IGSF21: variants seen among roughly 807,000 people sequenced by gnomAD.
IGSF21 encodes the protein immunoglobulin superfamily member 21.
Under a neutral mutation model 46.8 loss-of-function variants are expected in IGSF21, and 28 were observed. That is an observed-to-expected ratio of 0.60 (90% CI 0.44 to 0.82). IGSF21 has a LOEUF of 0.82. IGSF21 is among the 40% of genes least tolerant of loss of function. The probability of loss-of-function intolerance (pLI) is 0.00; values close to 1 mark genes in which losing one functional copy is unlikely to be tolerated. For missense variants in IGSF21, 624 were observed against 665.5 expected, an observed-to-expected ratio of 0.94 and a Z score of 0.69; for synonymous variants, 284 against 273.6, an observed-to-expected ratio of 1.04 and a Z score of -0.38.
At chr1:18,197,869 C>T (rs2087025167) in intron 1 of IGSF21, among the ~76,000 whole-genome samples, 1 of 152,202 alleles carries the variant, frequency 6.6e-6, no homozygotes, top group African/African-American at 2.4e-5. Context: ...CAGCTCCTGT[C>T]ACTGTGACTG....
At position 18,197,708 on chromosome 1, in the gene IGSF21, G is replaced by A. The variant is rs549110192; in HGVS notation, c.71-30190G>A. On this transcript the variant is annotated intron_variant, in intron 1 of 9. Transcript: ENST00000251296. ...CTTGGCTCTGCCACTCAACAGCTGG[G>A]TGACCTTGGGTATGTGACTTTATCT... is the stretch of plus-strand genomic sequence containing the variant. 1.8e-4 allele frequency among the ~76,000 whole-genome samples: 27 copies of A among 152,344 alleles called. No individual in the cohort carries two copies. In the South Asian group the frequency reaches 5.6e-3, roughly 32 times the overall value.
intron 4 of IGSF21, among the ~76,000 whole-genome samples, chr1:18,338,043 A>G (rs1222871636): frequency 6.6e-6 from 1 of 152,084 alleles, no homozygotes; most frequent in Non-Finnish European, 1.5e-5. Context: ...CATCGACCAC[A>G]TGGGCCTGGG....
rs571108830 is a variant in IGSF21 at position 18,348,103 on chromosome 1, T to A, written c.424+13093T>A. ...CCTTAGGAGATGGGTATTTCTAGTA[T>A]TCTTATTTTAATAAATGAAGAAATT... On this transcript the variant is annotated intron_variant, in intron 4 of 9. Coordinates refer to ENST00000251296, the MANE Select transcript of IGSF21 (RefSeq NM_032880.5). Among the ~76,000 whole-genome samples the A allele has an allele frequency of 8.5e-5, 13 of 152,360 alleles. No homozygotes were observed. The South Asian group carries it at 2.7e-3, about 32-fold the overall frequency.
Position 18,335,035 on chromosome 1 carries a change from G to A in IGSF21, c.424+25G>A, listed in dbSNP as rs2085752597. Reference sequence around the variant, plus strand: ...GGTGAGTGCAGGGCCACTGGCCCCTGGTGTCTCAGTGAGGAGGACGAGTAT... The same window carrying A: ...GGTGAGTGCAGGGCCACTGGCCCCTAGTGTCTCAGTGAGGAGGACGAGTAT... On this transcript the variant is annotated intron_variant, in intron 4 of 9. Coordinates refer to ENST00000251296, the MANE Select transcript of IGSF21 (RefSeq NM_032880.5). This position sits in a 1 kb window ranked among gnomAD's most constrained non-coding sequence, Gnocchi z 4.8. 6.4e-7 allele frequency: 1 copy of A among 1,557,046 alleles called. No homozygotes were observed. Among genetic ancestry groups the A allele is most frequent in the Admixed American group, 1.7e-5 (1 of 59,916 alleles).
intron 2 of IGSF21, among the ~76,000 whole-genome samples, chr1:18,239,251 A>G (rs2084701997): frequency 1.4e-5 from 2 of 141,902 alleles, no homozygotes; most frequent in South Asian, 4.6e-4. Context: ...CACACCAGTG[A>G]AAAGAAAAGA....
At chr1:18,273,405 C>CTTTCA (rs2085064372) in intron 2 of IGSF21, among the ~76,000 whole-genome samples, 1 of 133,206 alleles carries the variant, frequency 7.5e-6, no homozygotes, top group Non-Finnish European at 1.6e-5. Flanking sequence ...CTTTCCTTTC[C>CTTTCA]TTTCCTTTCT....
At chr1:18,235,527 G>A (rs868722578) in intron 2 of IGSF21, among the ~76,000 whole-genome samples, 1 of 152,202 alleles carries the variant, frequency 6.6e-6, no homozygotes, top group African/African-American at 2.4e-5. Context: ...CCATGCCAAG[G>A]GAAGAAGGCA....
chr1:18,194,070 A>G (rs1429404457), intron 1 of IGSF21, among the ~76,000 whole-genome samples: 1 of 152,186 alleles, frequency 6.6e-6, no homozygotes, highest in Non-Finnish European at 1.5e-5. Flanking sequence ...AGAGAGTGAA[A>G]GAGTGAATGA....
chr1:18,148,292 A>G (rs935321735), intron 1 of IGSF21, among the ~76,000 whole-genome samples: 12 of 151,868 alleles, frequency 7.9e-5, no homozygotes, highest in African/African-American at 2.7e-4. Flanking sequence ...CACCATGCCC[A>G]GCTAATTTTT....
intron 3 of IGSF21, among the ~76,000 whole-genome samples, chr1:18,292,372 A>G (rs570017676): frequency 6.6e-6 from 1 of 152,368 alleles, no homozygotes; most frequent in Non-Finnish European, 1.5e-5. Context: ...CCGGCTTGGA[A>G]GCTCAAACAC....
At chr1:18,229,009 A>G (rs2084597710) in intron 2 of IGSF21, among the ~76,000 whole-genome samples, 1 of 151,674 alleles carries the variant, frequency 6.6e-6, no homozygotes, top group Non-Finnish European at 1.5e-5. Context: ...TCTTCTTTTT[A>G]TTTTTTTTCA....
intron 4 of IGSF21, among the ~76,000 whole-genome samples, chr1:18,344,061 G>T (rs1391050939): frequency 6.6e-6 from 1 of 152,194 alleles, no homozygotes; most frequent in African/African-American, 2.4e-5. Flanking sequence ...GATTTCTGGA[G>T]AGCTGGATTC....
intron 2 of IGSF21, among the ~76,000 whole-genome samples, chr1:18,273,249 C>T (rs1479593803): frequency 6.6e-6 from 1 of 151,586 alleles, no homozygotes; most frequent in African/African-American, 2.4e-5. Flanking sequence ...CCATATTGGC[C>T]AGGCTGGTCT....
chr1:18,285,146 A>G (rs1401426081), intron 2 of IGSF21, among the ~76,000 whole-genome samples: 3 of 151,594 alleles, frequency 2.0e-5, no homozygotes, highest in African/African-American at 7.3e-5. Context: ...AAACAAAGAG[A>G]AGGAGGTTGG....
intron 1 of IGSF21, among the ~76,000 whole-genome samples, chr1:18,182,508 T>C (rs1218567271): frequency 6.6e-6 from 1 of 152,146 alleles, no homozygotes; most frequent in African/African-American, 2.4e-5. Context: ...GGGTAACTTG[T>C]TTCTTCTTTT....
rs977207819 is a variant in IGSF21, at chr1:18,322,685, A to T, written c.306-12207A>T. ...ATGGCGTCGGGTGAAGGTAGGAAAA[A>T]CACTCTGAACCCTGGGCCCTCCCGC... On this transcript the variant is annotated intron_variant, in intron 3 of 9. Transcript: ENST00000251296. The surrounding 1 kb of genome is among the most constrained non-coding windows in gnomAD (Gnocchi z 4.3). 6.6e-6 allele frequency among the ~76,000 whole-genome samples: 1 copy of T among 152,022 alleles called. No individual in the cohort carries two copies. Among genetic ancestry groups the T allele is most frequent in the African/African-American group, 2.4e-5 (1 of 41,376 alleles).
chr1:18,209,837 T>C (rs377640630), intron 1 of IGSF21, among the ~76,000 whole-genome samples: 2 of 152,088 alleles, frequency 1.3e-5, no homozygotes, highest in Non-Finnish European at 2.9e-5. Context: ...TTCTTGTCCC[T>C]GGAGACAAAC....
chr1:18,207,536 G>T (rs1224889554), intron 1 of IGSF21, among the ~76,000 whole-genome samples: 1 of 152,166 alleles, frequency 6.6e-6, no homozygotes, highest in Non-Finnish European at 1.5e-5. Flanking sequence ...ACAAAGTCAG[G>T]ACTACAATAC....
chr1:18,285,729 G>C (rs1286630579), intron 2 of IGSF21, among the ~76,000 whole-genome samples: 1 of 152,166 alleles, frequency 6.6e-6, no homozygotes, highest in Non-Finnish European at 1.5e-5. Flanking sequence ...ACGGTCTGCT[G>C]CCATCATTGC....
Sources: gnomAD v4.1 joint callset for allele counts (sites outside exome capture counted in the v4.1 genomes callset) on GRCh38, gnomAD v4.1.1 for gene constraint, Gnocchi (gnomAD v3.1) non-coding constraint, MANE v1.5 for transcripts, NCBI Gene and HGNC (gene_info 2026-07-23, HGNC 2026-07-21) for gene names.